The following UMODL1 variants were observed in gnomAD, a reference collection of about 807,000 sequenced individuals.
UMODL1 encodes the protein uromodulin-like 1.
Under a neutral mutation model 136.3 loss-of-function variants are expected in UMODL1, and 128 were observed. The ratio of observed to expected loss-of-function variants is 0.94; its 90% CI spans 0.81 to 1.09. The LOEUF (loss-of-function observed/expected upper bound fraction) is 1.09. UMODL1 is among the 50% of genes least tolerant of loss of function. The pLI is 0.00. For missense variants in UMODL1, 1,766 were observed against 1,725.6 expected (o/e 1.02, Z -0.41); for synonymous variants, 721 against 720.0 (o/e 1.00, Z -0.02).
chr21:42,132,031 G>A (rs2067140659), intron 21 of UMODL1, among the ~76,000 whole-genome samples: 2 of 152,218 alleles, frequency 1.3e-5, no homozygotes, highest in Admixed American at 6.5e-5. Context: ...AAAAGCACTA[G>A]ACTTGGACTT....
chr21:42,107,384 C>G (rs1176776247), intron 9 of UMODL1, among the ~76,000 whole-genome samples: 1 of 152,188 alleles, frequency 6.6e-6, no homozygotes, highest in Non-Finnish European at 1.5e-5. Flanking sequence ...CTGAGCTCCC[C>G]AAAGCTTCCA....
chr21:42,123,509 A>G lies in UMODL1; in HGVS notation c.3147+359A>G, dbSNP rs114925812. Among the ~76,000 whole-genome samples, 1 of 80,968 alleles carries G rather than the reference A, an allele frequency of 1.2e-5. No homozygotes were observed. Among genetic ancestry groups the G allele is most frequent in the Admixed American group, 1.4e-4 (1 of 7,294 alleles). 53.1% of individuals were successfully genotyped at this position (80,968 alleles called of 152,430 possible). A position where few individuals can be genotyped will look rare whatever the true frequency, so the allele number is the denominator to read the frequency against. ...TGTGTGTGTGAGTGTACGTGTGTGC[A>G]TGTGTGCATGTGTCTGAATATGTCT... On this transcript the variant is annotated intron_variant, in intron 17 of 22. Transcript: ENST00000408910. This position sits in a 1 kb window ranked among gnomAD's most constrained non-coding sequence, Gnocchi z 4.4.
At chr21:42,071,479 C>T (rs1412526556) in intron 1 of UMODL1, 87 bp downstream of exon 1, 5 of 1,340,528 alleles carry the variant, frequency 3.7e-6, no homozygotes, top group African/African-American at 1.5e-5. Flanking sequence ...CTGTGGAGAC[C>T]TGGGCAGGCA....
In UMODL1 at chr21:42,109,546, T is replaced by C; in HGVS notation, c.1520-16T>C. On this transcript the variant is annotated splice_polypyrimidine_tract_variant and intron_variant, in intron 9 of 22. Coordinates refer to ENST00000408910, the MANE Select transcript of UMODL1 (RefSeq NM_001004416.3). ...GCTGTTTTCTCATGGGTTTTGATTGTGTCTCCCCCTGGCAGACTGGGACGA... is the reference window on the plus strand; with the variant it reads ...GCTGTTTTCTCATGGGTTTTGATTGCGTCTCCCCCTGGCAGACTGGGACGA... 1 of 1,609,214 alleles carries C rather than the reference T, an allele frequency of 6.2e-7. No homozygotes were observed. Among genetic ancestry groups the C allele is most frequent in the African/African-American group, 1.3e-5 (1 of 75,032 alleles).
At chr21:42,103,824 G>T (rs1412431834) in intron 8 of UMODL1, 44 bp from the exon 9 acceptor site, 3 of 1,607,588 alleles carry the variant, frequency 1.9e-6, no homozygotes, top group Non-Finnish European at 2.6e-6. Flanking sequence ...CTTAATGGTC[G>T]TGAAGACGTT....
intron 2 of UMODL1, among the ~76,000 whole-genome samples, chr21:42,081,991 T>C (rs1273612665): frequency 6.6e-6 from 1 of 152,158 alleles, no homozygotes; most frequent in Non-Finnish European, 1.5e-5. Flanking sequence ...CAACGTTCAT[T>C]TTTCATGCAC....
At chr21:42,064,794 G>A (rs2066170407) in intron 1 of UMODL1, among the ~76,000 whole-genome samples, 1 of 152,188 alleles carries the variant, frequency 6.6e-6, no homozygotes, top group African/African-American at 2.4e-5. Flanking sequence ...GACCTCAGGT[G>A]ATCTGCCCGC....
At chr21:42,133,938 A>T (rs920628908) in intron 21 of UMODL1, among the ~76,000 whole-genome samples, 8 of 124,468 alleles carry the variant, frequency 6.4e-5, no homozygotes, top group African/African-American at 2.7e-5. Context: ...GTTTTGTTTG[A>T]GACAGAGTCT....
In UMODL1 at chr21:42,100,012, G is replaced by A. The variant is rs569877899; in HGVS notation, c.1186+832G>A. 3.4e-4 allele frequency among the ~76,000 whole-genome samples: 52 copies of A among 152,258 alleles called. No individual in the cohort carries two copies. The South Asian group carries it at 0.01, about 30-fold the overall frequency. On this transcript the variant is annotated intron_variant, in intron 7 of 22. Coordinates refer to ENST00000408910, the MANE Select transcript of UMODL1 (RefSeq NM_001004416.3). Reference sequence around the variant, plus strand: ...GAAGGCAGCCGGTGTGGCCCATCTGGGTCTGTCCCGGGCAGCCCACTTGGC... The same window carrying A: ...GAAGGCAGCCGGTGTGGCCCATCTGAGTCTGTCCCGGGCAGCCCACTTGGC...
intron 17 of UMODL1, among the ~76,000 whole-genome samples, chr21:42,126,097 G>A (rs868612602): frequency 1.1e-4 from 16 of 152,324 alleles, no homozygotes; most frequent in Middle Eastern, 3.4e-3. Flanking sequence ...AGACTTATTT[G>A]TGCAGCTGCC....
rs201376292 is a variant in UMODL1, at chr21:42,088,357, G to A, written c.667G>A (p.Ala223Thr). The change falls in exon 5 of 23, where the codon GCC (alanine) becomes ACC (threonine). Residue 223 changes from alanine to threonine, a missense_variant. By Grantham distance (58) the Ala-to-Thr change is moderately conservative. Coordinates refer to ENST00000408910, the MANE Select transcript of UMODL1 (RefSeq NM_001004416.3). ...CCACCTGCACTCAGCCCCTGGGAAC[G>A]CCTCCACCACAGTGTCGCGGCTGCT... is the stretch of plus-strand genomic sequence containing the variant. ...VHHLHSAPGN[A>T]STTVSRLLLG... The A allele has an allele frequency of 5.7e-4, 921 of 1,613,810 alleles. 5 individuals carry two copies. The African/African-American group carries it at 9.4e-3, about 16-fold the overall frequency.
At position 42,111,560 on chromosome 21, in the gene UMODL1, C is replaced by A; in HGVS notation, c.1954C>A (p.Pro652Thr). ...CTCCTGGCCTTCCCCTACTGAGGACCCCACCGGCCACTTCCTGTGGCATGC... is the reference window on the plus strand; with the variant it reads ...CTCCTGGCCTTCCCCTACTGAGGACACCACCGGCCACTTCCTGTGGCATGC... ...PPSWPSPTED[P>T]TGHFLWHATR... Residue 652 changes from proline (P) to threonine (T), a missense_variant, in exon 12 of 23, where the codon CCC (proline) becomes ACC (threonine). Transcript: ENST00000408910. 1.2e-6 allele frequency: 2 copies of A among 1,614,148 alleles called. No homozygotes were observed. Among genetic ancestry groups the A allele is most frequent in the Non-Finnish European group, 1.7e-6 (2 of 1,180,008 alleles).
In UMODL1 at chr21:42,113,832, T is replaced by A. The variant is rs1353254077; in HGVS notation, c.2362+2T>A. On this transcript the variant is annotated splice_donor_variant, in intron 13 of 22. Coordinates refer to ENST00000408910, the MANE Select transcript of UMODL1 (RefSeq NM_001004416.3). LOFTEE classifies it high-confidence loss of function. ...GAGCTCATCTGAAAGTGAGGACAGG[T>A]AATGGGCTTCCATTTGTTTTTAAAG... is the stretch of plus-strand genomic sequence containing the variant. 1.9e-6 allele frequency: 3 copies of A among 1,607,498 alleles called. No individual in the cohort carries two copies. In the East Asian group the frequency reaches 6.7e-5, roughly 36 times the overall value.
At chr21:42,082,366 G>A (rs376981846) in intron 2 of UMODL1, among the ~76,000 whole-genome samples, 2 of 152,166 alleles carry the variant, frequency 1.3e-5, no homozygotes, top group East Asian at 1.9e-4. Context: ...CCACCCTCGC[G>A]GGGGTGAGTC....
chr21:42,119,410 T>A, intron 15 of UMODL1, 86 bp downstream of exon 15: 1 of 1,278,602 alleles, frequency 7.8e-7, no homozygotes. Flanking sequence ...TTTTGAAAGA[T>A]GTCGTGTTGT....
intron 15 of UMODL1, 187 bp from the exon 16 acceptor site, chr21:42,120,900 T>G (rs113839795): frequency 0.11 from 70,351 of 640,272 alleles, 4,597 homozygotes; most frequent in Middle Eastern, 0.16. Flanking sequence ...GCAGACATAC[T>G]TAGCCATTCC....
At chr21:42,108,598 T>C (rs112916866) in intron 9 of UMODL1, 11,791 of 343,706 alleles carry the variant, frequency 0.034, 296 homozygotes, top group Middle Eastern at 0.063. Flanking sequence ...ATGCCGGGTG[T>C]GGGTTCGTTC....
In UMODL1 at chr21:42,124,397, C is replaced by T. The variant is rs1235643044; in HGVS notation, c.3147+1247C>T. Among the ~76,000 whole-genome samples, 3 of 152,214 alleles carry T rather than the reference C, an allele frequency of 2.0e-5. 1 individual carries two copies. The highest frequency in any genetic ancestry group is 2.1e-4 in the South Asian group (1 of 4,824). On this transcript the variant is annotated intron_variant, in intron 17 of 22. Transcript: ENST00000408910. ...GGAAGTGGCCTTCTGGGAAGGGGCT[C>T]GACCTAGAAAGGAGGCCAGCGTCGT...
intron 20 of UMODL1, 168 bp downstream of exon 20, chr21:42,127,999 G>T (rs769160194): frequency 1.1e-6 from 1 of 880,604 alleles, no homozygotes. Context: ...GTATTTCCAC[G>T]GCAGGCAGCC....
Sources: allele counts gnomAD v4.1 joint callset (sites outside exome capture counted in the v4.1 genomes callset), GRCh38; gene constraint gnomAD v4.1.1; non-coding constraint Gnocchi (gnomAD v3.1); transcripts MANE v1.5; gene names NCBI Gene and HGNC (gene_info 2026-07-23, HGNC 2026-07-21).